Variants in COL6A3 observed in about 807,000 individuals in gnomAD.
COL6A3 encodes the protein collagen alpha-3(VI) chain.
A neutral mutation model predicts 274.1 loss-of-function variants in COL6A3; 137 were observed. The observed-to-expected ratio is 0.50, with a 90% CI of 0.44 to 0.58. The LOEUF (loss-of-function observed/expected upper bound fraction) is 0.58, where lower values mean the gene tolerates loss of function less well. Ranked by LOEUF, COL6A3 falls within the 20% of genes least tolerant of loss-of-function variation. The probability of loss-of-function intolerance (pLI) is 0.00; values close to 1 mark genes in which losing one functional copy is unlikely to be tolerated. For synonymous variants in COL6A3, 1,650 were observed against 1,650.6 expected, an observed-to-expected ratio of 1.00 and a Z score of 0.01; for missense variants, 3,950 against 4,124.9, an observed-to-expected ratio of 0.96 and a Z score of 1.16.
chr2:237,391,504 CTGTTTGTTTGTTTGTTTGTTTGTT>C (rs200150873), intron 3 of COL6A3, among the ~76,000 whole-genome samples: 16 of 150,050 alleles, frequency 1.1e-4, no homozygotes, highest in African/African-American at 3.4e-4. Flanking sequence ...GTCCCTTTCA[CTGTTTGTTTGTTTGTTTGTTTGTT>C]TGTTTGTTTG....
At chr2:237,410,874 A>G (rs2078840296) in intron 1 of COL6A3, among the ~76,000 whole-genome samples, 1 of 152,234 alleles carries the variant, frequency 6.6e-6, no homozygotes, top group South Asian at 2.1e-4. Flanking sequence ...GAGAAGCTGT[A>G]TCTAGAAACG....
intron 1 of COL6A3, among the ~76,000 whole-genome samples, chr2:237,401,922 A>T (rs2078600252): frequency 1.3e-5 from 2 of 152,046 alleles, no homozygotes; most frequent in African/African-American, 4.8e-5. Flanking sequence ...TGGGCTCAAG[A>T]GATCCTTCCA....
chr2:237,365,790 T>C lies in COL6A3; in HGVS notation c.5746A>G (p.Asn1916Asp). 1 of 1,614,162 alleles carries C rather than the reference T, an allele frequency of 6.2e-7. No homozygotes were observed. The highest frequency in any genetic ancestry group is 8.5e-7 in the Non-Finnish European group (1 of 1,180,026). Reference protein sequence around the residue: ...YQPEMLEKFRNMRSQHPYVLT... With the variant: ...YQPEMLEKFRDMRSQHPYVLT... ...ACGTAGGGGTGCTGGCTGCGCATGT[T>C]CCGGAACTTCTCGAGCATCTCTGGC... The change falls in exon 12 of 44, where the codon AAC becomes GAC. Residue 1916 changes from asparagine (N) to aspartate (D), a missense_variant. Asn to Asp is a conservative substitution (Grantham distance 23, BLOSUM62 1). Transcript: ENST00000295550.
In COL6A3 at chr2:237,364,388, G is replaced by A. The variant is rs371215375; in HGVS notation, c.5879C>T (p.Ala1960Val). The A allele has an allele frequency of 1.1e-5, 18 of 1,614,010 alleles. No homozygotes were observed. The African/African-American group carries it at 2.4e-4, about 22-fold the overall frequency. The change falls in exon 13 of 44, where the codon GCT becomes GTT. Residue 1960 changes from alanine to valine, a missense_variant. Around this residue, in one of 5 missense-constraint regions of COL6A3, gnomAD observed 632 missense variants for 623.4 expected, o/e 1.01. Coordinates refer to ENST00000295550, the MANE Select transcript of COL6A3 (RefSeq NM_004369.4). This position sits in a 1 kb window ranked among gnomAD's most constrained non-coding sequence, Gnocchi z 4.6. ...GTTCTCAGATGCTCTGTGTAAATCA[G>A]CCAGATCTCCGTCTGCTCCATCAGT... The part of the protein sequence containing the change: ...HFTDGADGDL[A>V]DLHRASENLR...
intron 16 of COL6A3, among the ~76,000 whole-genome samples, chr2:237,360,919 A>G (rs185897169): frequency 3.2e-4 from 49 of 151,972 alleles, no homozygotes; most frequent in Non-Finnish European, 5.3e-4. Context: ...AACAAATCCC[A>G]CCCTTCATGC....
In COL6A3 at chr2:237,361,211, T is replaced by C. The variant is rs766121069; in HGVS notation, c.6157-37A>G. 2 of 1,598,108 alleles carry C rather than the reference T, an allele frequency of 1.3e-6. No individual in the cohort carries two copies. Among genetic ancestry groups the C allele is most frequent in the Non-Finnish European group, 1.7e-6 (2 of 1,165,608 alleles). On this transcript the variant is annotated intron_variant, in intron 15 of 43. Transcript: ENST00000295550. This position sits in a 1 kb window ranked among gnomAD's most constrained non-coding sequence, Gnocchi z 5.1. ...TAATCGGGTCCTCTGTTTAATCCCG[T>C]GGTCTTCTTTGCTCTACAGTAAGAA...
chr2:237,332,160 G>T (rs1190583881), intron 42 of COL6A3, among the ~76,000 whole-genome samples: 2 of 128,586 alleles, frequency 1.6e-5, no homozygotes, highest in African/African-American at 5.6e-5. Flanking sequence ...CTTGCTGAAA[G>T]ACATTGTTGT....
At chr2:237,382,879 C>T (rs2078043840) in intron 4 of COL6A3, among the ~76,000 whole-genome samples, 1 of 152,188 alleles carries the variant, frequency 6.6e-6, no homozygotes, top group Non-Finnish European at 1.5e-5. Context: ...CCTCCGCTTC[C>T]TGGGTTCAAG....
intron 9 of COL6A3, among the ~76,000 whole-genome samples, chr2:237,370,294 A>G (rs2077655379): frequency 6.8e-6 from 1 of 147,920 alleles, no homozygotes; most frequent in South Asian, 2.1e-4. Context: ...GCTGGAGTGC[A>G]GTGGCGCAAT....
At chr2:237,345,877 C>A (rs1357413909) in intron 32 of COL6A3, among the ~76,000 whole-genome samples, 1 of 152,218 alleles carries the variant, frequency 6.6e-6, no homozygotes, top group Non-Finnish European at 1.5e-5. Flanking sequence ...CCAAACTAAG[C>A]CCTGAACCTT....
At chr2:237,376,564 AT>A (rs1195293906) in intron 7 of COL6A3, among the ~76,000 whole-genome samples, 2 of 152,204 alleles carry the variant, frequency 1.3e-5, no homozygotes, top group African/African-American at 4.8e-5. Flanking sequence ...ACTCACCCTC[AT>A]TCTCCTGAGA....
chr2:237,400,322 A>G (rs531439881), intron 1 of COL6A3, among the ~76,000 whole-genome samples: 1 of 152,334 alleles, frequency 6.6e-6, no homozygotes, highest in African/African-American at 2.4e-5. Context: ...AAATGCTTAC[A>G]GATTGGTTTT....
intron 3 of COL6A3, among the ~76,000 whole-genome samples, chr2:237,389,849 A>C (rs1348374564): frequency 6.6e-6 from 1 of 152,266 alleles, no homozygotes; most frequent in Non-Finnish European, 1.5e-5. Context: ...TTGTGTTTTT[A>C]GTAATTGCCA....
At position 237,366,921 on chromosome 2, in the gene COL6A3, C is replaced by A; in HGVS notation, c.5266G>T (p.Val1756Leu). ...IAFVITGGKS[V>L]EDAQDVSLAL... ...AGGCTCACATCCTGTGCATCTTCCA[C>A]CGACTTTCCTCCCGTGATCACAAAG... Residue 1756 changes from valine to leucine, a missense_variant, in exon 11 of 44, where the codon GTG becomes TTG. Physicochemically the swap from Val to Leu is conservative, Grantham distance 32. Around this residue, in one of 5 missense-constraint regions of COL6A3, gnomAD observed 632 missense variants for 623.4 expected, o/e 1.01. Transcript: ENST00000295550. The A allele has an allele frequency of 6.2e-7, 1 of 1,614,250 alleles. No homozygotes were observed.
rs762702382 is a variant in COL6A3, at chr2:237,340,828, C to T, written c.8088G>A (p.Glu2696=). 2.5e-6 allele frequency: 4 copies of T among 1,614,084 alleles called. No individual in the cohort carries two copies. In the African/African-American group the frequency reaches 4.0e-5, roughly 16 times the overall value. Residue 2696 remains glutamate, a synonymous_variant, in exon 38 of 44, where the codon GAG becomes GAA. Coordinates refer to ENST00000295550, the MANE Select transcript of COL6A3 (RefSeq NM_004369.4). ...EFSLTDYGSK[E]KLVDFLSRGM... ...CCCTGCTGAGGAAGTCCACCAGCTT[C>T]TCCTTGGAGCCATAGTCAGTCAGGG...
intron 1 of COL6A3, among the ~76,000 whole-genome samples, chr2:237,399,998 A>G (rs1025958832): frequency 2.6e-5 from 4 of 152,188 alleles, no homozygotes; most frequent in Non-Finnish European, 5.9e-5. Flanking sequence ...ACACTAGTTA[A>G]TATTGTCATT....
chr2:237,354,821 G>A, intron 24 of COL6A3, 78 bp downstream of exon 24: 1 of 1,233,348 alleles, frequency 8.1e-7, no homozygotes, highest in Non-Finnish European at 1.2e-6. Flanking sequence ...TCACAGGAGA[G>A]AGTGTTTTTC....
At chr2:237,399,308 G>T (rs888346254) in intron 1 of COL6A3, among the ~76,000 whole-genome samples, 3 of 152,136 alleles carry the variant, frequency 2.0e-5, no homozygotes, top group African/African-American at 4.8e-5. Context: ...TCAGGCAGGT[G>T]GTATACTTGC....
chr2:237,334,818 C>G lies in COL6A3; in HGVS notation c.9037G>C (p.Glu3013Gln). Residue 3013 changes from glutamate (E) to glutamine (Q), a missense_variant, in exon 41 of 44, where the codon GAG (glutamate) becomes CAG (glutamine). Glu to Gln is a conservative substitution (Grantham distance 29). Around this residue, in one of 5 missense-constraint regions of COL6A3, gnomAD observed 1,284 missense variants for 1,349.7 expected, o/e 0.95. Coordinates refer to ENST00000295550, the MANE Select transcript of COL6A3 (RefSeq NM_004369.4). ...NSAKLHWERA[E>Q]PPGPYFYDLT... ...TCATAAAAATAAGGACCGGGGGGCT[C>G]AGCCCTCTCCCAGTGGAGTTTGGCG... is the stretch of plus-strand genomic sequence containing the variant. 6.2e-7 allele frequency: 1 copy of G among 1,614,188 alleles called. No individual in the cohort carries two copies. Among genetic ancestry groups the G allele is most frequent in the Non-Finnish European group, 8.5e-7 (1 of 1,180,030 alleles).
Sources: allele counts gnomAD v4.1 joint callset (sites outside exome capture counted in the v4.1 genomes callset), GRCh38; gene constraint gnomAD v4.1.1; regional missense constraint gnomAD v4.1.1; non-coding constraint Gnocchi (gnomAD v3.1); transcripts MANE v1.5; gene names NCBI Gene and HGNC (gene_info 2026-07-23, HGNC 2026-07-21).